The following DGKB variants were observed in gnomAD, a reference collection of about 807,000 sequenced individuals.
The protein encoded by DGKB is diacylglycerol kinase beta, also known as 90 kDa diacylglycerol kinase.
Under a neutral mutation model 114.3 loss-of-function variants are expected in DGKB, and 67 were observed. The ratio of observed to expected loss-of-function variants is 0.59; its 90% CI spans 0.48 to 0.72. The LOEUF (loss-of-function observed/expected upper bound fraction) is 0.72, where lower values mean the gene tolerates loss of function less well. DGKB is among the 30% of genes least tolerant of loss of function. The pLI is 0.00. For missense variants in DGKB, 907 were observed against 975.2 expected (o/e 0.93, Z 0.93); for synonymous variants, 398 against 323.1 (o/e 1.23, Z -2.49).
chr7:14,242,008 GACCTAATTTATACATTTCA>G (rs1793752326), intron 23 of DGKB, among the ~76,000 whole-genome samples: 3 of 150,816 alleles, frequency 2.0e-5, no homozygotes, highest in African/African-American at 7.3e-5. Context: ...ACACAAAAGT[GACCTAATTTATACATTTCA>G]ACACATTTAT....
intron 16 of DGKB, among the ~76,000 whole-genome samples, chr7:14,610,434 C>A (rs1382311320): frequency 6.6e-6 from 1 of 152,040 alleles, no homozygotes; most frequent in Non-Finnish European, 1.5e-5. Flanking sequence ...GGGTACTACG[C>A]TTGCTACCTG....
chr7:14,454,343 C>T (rs531508849), intron 21 of DGKB, among the ~76,000 whole-genome samples: 1 of 152,162 alleles, frequency 6.6e-6, no homozygotes, highest in Non-Finnish European at 1.5e-5. Context: ...TCCTGTATGT[C>T]TCTAGCAGAC....
intron 6 of DGKB, among the ~76,000 whole-genome samples, chr7:14,702,890 TCACTA>T (rs1825456403): frequency 6.6e-6 from 1 of 152,308 alleles, no homozygotes; most frequent in Admixed American, 6.5e-5. Context: ...GTTAGCCATG[TCACTA>T]TAATATTATA....
At chr7:14,612,404 C>T (rs1805729750) in intron 16 of DGKB, among the ~76,000 whole-genome samples, 1 of 151,948 alleles carries the variant, frequency 6.6e-6, no homozygotes, top group Non-Finnish European at 1.5e-5. Flanking sequence ...TTCCTGACCT[C>T]ATGGTCTGCC....
In DGKB at chr7:14,936,241, T is replaced by C. The variant is rs575923925; in HGVS notation, c.-188+38455A>G. Among the ~76,000 whole-genome samples the C allele has an allele frequency of 2.6e-5, 4 of 152,106 alleles. No homozygotes were observed. In the East Asian group the frequency reaches 7.7e-4, roughly 29 times the overall value. ...GATGAAGAACTTGTCTTTGTAAAAA[T>C]AGACTAAATTGGATCAAAATCACAC... On this transcript the variant is annotated intron_variant, in intron 1 of 4. Coordinates refer to the DGKB transcript ENST00000437998.
intron 5 of DGKB, among the ~76,000 whole-genome samples, chr7:14,720,334 G>A (rs533247850): frequency 6.6e-6 from 1 of 151,542 alleles, no homozygotes; most frequent in Middle Eastern, 3.4e-3. Flanking sequence ...ATGGAGTCTC[G>A]CTCTGTAACC....
At chr7:14,419,173 T>C (rs1826275405) in intron 21 of DGKB, among the ~76,000 whole-genome samples, 1 of 151,870 alleles carries the variant, frequency 6.6e-6, no homozygotes, top group Admixed American at 6.6e-5. Context: ...TTCACTGTAA[T>C]TACGTATGAA....
At chr7:14,968,333 C>G (rs1787282131) in intron 1 of DGKB, among the ~76,000 whole-genome samples, 1 of 152,050 alleles carries the variant, frequency 6.6e-6, no homozygotes, top group Admixed American at 6.6e-5. Context: ...GTGTACATGA[C>G]TACTTGAATC....
chr7:14,218,268 T>C (rs1458075108), intron 23 of DGKB, among the ~76,000 whole-genome samples: 7 of 152,116 alleles, frequency 4.6e-5, no homozygotes, highest in Non-Finnish European at 1.0e-4. Context: ...AAACAGATCA[T>C]ACACTTGACC....
intron 20 of DGKB, among the ~76,000 whole-genome samples, chr7:14,514,972 A>G (rs1216769469): frequency 6.6e-6 from 1 of 152,168 alleles, no homozygotes; most frequent in Non-Finnish European, 1.5e-5. Flanking sequence ...TGAACCCAGG[A>G]GGTCAAGGCT....
intron 21 of DGKB, among the ~76,000 whole-genome samples, chr7:14,373,544 C>T (rs1818010153): frequency 6.6e-6 from 1 of 152,124 alleles, no homozygotes; most frequent in South Asian, 2.1e-4. Context: ...AGCTCTGAAT[C>T]TAATTTAAAG....
intron 23 of DGKB, among the ~76,000 whole-genome samples, chr7:14,246,687 T>C (rs1299088721): frequency 2.6e-5 from 4 of 152,124 alleles, no homozygotes; most frequent in African/African-American, 7.2e-5. Flanking sequence ...TCCAGCTTTA[T>C]TGAGGTATAA....
intron 1 of DGKB, among the ~76,000 whole-genome samples, chr7:14,947,842 T>C (rs980285916): frequency 5.9e-5 from 9 of 151,752 alleles, no homozygotes; most frequent in Non-Finnish European, 1.2e-4. Flanking sequence ...ACTACTTTCA[T>C]TGCAGAACTT....
rs764887691 is a variant in DGKB, at chr7:14,391,926, T to C, written c.1836-46535A>G. Among the ~76,000 whole-genome samples, 211 of 152,314 alleles carry C rather than the reference T, an allele frequency of 1.4e-3. 1 individual carries two copies. Among genetic ancestry groups the C allele is most frequent in the Non-Finnish European group, 2.5e-3 (167 of 68,016 alleles). On this transcript the variant is annotated intron_variant, in intron 21 of 25. Transcript: ENST00000402815. ...TCAGATAGAAATGATAGAATTTATTTGCAAAATTGAGTTGATTTTTCATGT... is the reference window on the plus strand; with the variant it reads ...TCAGATAGAAATGATAGAATTTATTCGCAAAATTGAGTTGATTTTTCATGT...
chr7:14,527,986 G>A (rs752022770), intron 20 of DGKB, among the ~76,000 whole-genome samples: 10 of 152,048 alleles, frequency 6.6e-5, no homozygotes, highest in Non-Finnish European at 1.2e-4. Context: ...CCTATACCAT[G>A]TAATTTTAAA....
chr7:14,938,194 G>T (rs534737465), intron 1 of DGKB, among the ~76,000 whole-genome samples: 1 of 152,226 alleles, frequency 6.6e-6, no homozygotes, highest in East Asian at 1.9e-4. Flanking sequence ...TCTGCATCTG[G>T]TCTCCTAGTC....
intron 5 of DGKB, among the ~76,000 whole-genome samples, chr7:14,719,561 C>A (rs1828802372): frequency 6.6e-6 from 1 of 151,902 alleles, no homozygotes; most frequent in African/African-American, 2.4e-5. Context: ...GGTTGAGTGG[C>A]TACTAGATTC....
chr7:14,606,557 G>A (rs753424608), intron 17 of DGKB, among the ~76,000 whole-genome samples: 1 of 151,312 alleles, frequency 6.6e-6, no homozygotes, highest in African/African-American at 2.4e-5. Flanking sequence ...TGGTTCCTGA[G>A]AATGAGAAGT....
intron 2 of DGKB, among the ~76,000 whole-genome samples, chr7:14,798,187 C>G (rs1841672226): frequency 6.6e-6 from 1 of 152,148 alleles, no homozygotes; most frequent in Non-Finnish European, 1.5e-5. Flanking sequence ...TCACTCTGGT[C>G]TTGGACTCTA....
Sources: gnomAD v4.1 joint callset for allele counts (sites outside exome capture counted in the v4.1 genomes callset) on GRCh38, gnomAD v4.1.1 for gene constraint, MANE v1.5 for transcripts, NCBI Gene and HGNC (gene_info 2026-07-23, HGNC 2026-07-21) for gene names.